FLRT3: variants seen among roughly 807,000 people sequenced by gnomAD.
FLRT3 encodes fibronectin leucine rich transmembrane protein 3, also known as leucine-rich repeat transmembrane protein FLRT3.
In FLRT3, 17 loss-of-function variants were observed where a neutral mutation model predicts 42.6. The observed-to-expected ratio is 0.40, with a 90% confidence interval of 0.27 to 0.60. FLRT3 has a LOEUF of 0.60. Among genes scored for constraint, FLRT3 ranks in the 20% least tolerant of loss-of-function variants. The pLI is 0.44. For synonymous variants in FLRT3, 279 were observed against 286.4 expected, an observed-to-expected ratio of 0.97 and a Z score of 0.26; for missense variants, 635 against 789.2, an observed-to-expected ratio of 0.80 and a Z score of 2.34.
chr20:14,334,559 G>A (rs958915001), intron 1 of FLRT3, among the ~76,000 whole-genome samples: 4 of 151,550 alleles, frequency 2.6e-5, no homozygotes, highest in South Asian at 2.1e-4. Flanking sequence ...TTCTGAAGCC[G>A]CAAGTCAGAT....
In FLRT3 at chr20:14,323,694, A is replaced by G. The variant is rs2082690529; in HGVS notation, c.*1863T>C. The stretch of plus-strand genomic sequence containing the variant: ...TGAACTCATTAGCATATGAAAATAT[A>G]TCACTTTGAAGATTGCAAGGATTTT... On this transcript the variant is annotated 3_prime_UTR_variant, in exon 3 of 3. Coordinates refer to ENST00000341420, the MANE Select transcript of FLRT3 (RefSeq NM_198391.3). 2 of 152,204 alleles carry G rather than the reference A, an allele frequency of 1.3e-5. No homozygotes were observed. The highest frequency in any genetic ancestry group is 1.3e-4 in the Admixed American group (2 of 15,266). The allele number at this position is 152,204 out of a possible 1,614,324, so 9.4% of individuals were successfully genotyped here. A position where few individuals can be genotyped will look rare whatever the true frequency, so the allele number is the denominator to read the frequency against.
rs1192465864 is a variant in FLRT3, at chr20:14,326,545, T to A, written c.962A>T (p.Gln321Leu). The A allele has an allele frequency of 6.2e-7, 1 of 1,613,912 alleles. No homozygotes were observed. Among genetic ancestry groups the A allele is most frequent in the East Asian group, 2.2e-5 (1 of 44,868 alleles). Reference sequence around the variant, plus strand: ...CACGTTGACCTTCACAGGTAGTGATTGTAACCAGTCACGTACCCATTTCAT... The same window carrying A: ...CACGTTGACCTTCACAGGTAGTGATAGTAACCAGTCACGTACCCATTTCAT... ...CKMKWVRDWL[Q>L]SLPVKVNVRG... Residue 321 changes from glutamine (Q) to leucine (L), a missense_variant, in exon 3 of 3, where the codon CAA becomes CTA. Gln to Leu is a moderately radical substitution (Grantham distance 113). Coordinates refer to ENST00000341420, the MANE Select transcript of FLRT3 (RefSeq NM_198391.3). This position sits in a 1 kb window ranked among gnomAD's most constrained non-coding sequence, Gnocchi z 5.5.
chr20:14,327,205 T>C lies in FLRT3; in HGVS notation c.302A>G (p.Asn101Ser), dbSNP rs374161251. 5 of 1,613,674 alleles carry C rather than the reference T, an allele frequency of 3.1e-6. No homozygotes were observed. Among genetic ancestry groups the C allele is most frequent in the Non-Finnish European group, 3.4e-6 (4 of 1,179,726 alleles). The change falls in exon 3 of 3, where the codon AAC becomes AGC. Residue 101 changes from asparagine to serine, a missense_variant. Physicochemically the swap from Asn to Ser is conservative, Grantham distance 46. Coordinates refer to ENST00000341420, the MANE Select transcript of FLRT3 (RefSeq NM_198391.3). ...YHNSLDEFPT[N>S]LPKYVKELHL... ...TAACTCTTTTACATACTTTGGGAGGTTGGTAGGAAATTCATCTAAACTGTT... is the reference window on the plus strand; with the variant it reads ...TAACTCTTTTACATACTTTGGGAGGCTGGTAGGAAATTCATCTAAACTGTT...
At chr20:14,328,114 C>T (rs551266439) in intron 2 of FLRT3, among the ~76,000 whole-genome samples, 2 of 152,204 alleles carry the variant, frequency 1.3e-5, no homozygotes, top group South Asian at 4.1e-4. Context: ...GATCCTCAAT[C>T]TCAAACCCAT....
At position 14,325,410 on chromosome 20, in the gene FLRT3, TTAAATA is replaced by T; in HGVS notation, c.*141_*146del. ...ATTTGAAACTTTTAATAAAAAGTTC[TTAAATA>T]TAAATTATATGGCAAATGTACAGTA... On this transcript the variant is annotated 3_prime_UTR_variant, in exon 3 of 3. Transcript: ENST00000341420. The T allele has an allele frequency of 1.3e-6, 1 of 776,762 alleles. No individual in the cohort carries two copies. Among genetic ancestry groups the T allele is most frequent in the Non-Finnish European group, 1.9e-6 (1 of 528,038 alleles). The allele number at this position is 776,762 out of a possible 1,614,324, so 48.1% of individuals were successfully genotyped here.
At chr20:14,336,219 CAT>C (rs1449982335) in intron 1 of FLRT3, among the ~76,000 whole-genome samples, 6 of 151,626 alleles carry the variant, frequency 4.0e-5, no homozygotes, top group African/African-American at 1.2e-4. Context: ...AATAAAATAA[CAT>C]AGATGAGCAT....
Position 14,337,447 on chromosome 20 carries a change from G to C in FLRT3, c.-290C>G, listed in dbSNP as rs911358224. 2.6e-4 allele frequency: 101 copies of C among 388,664 alleles called. No homozygotes were observed. Among genetic ancestry groups the C allele is most frequent in the Non-Finnish European group, 4.3e-4 (95 of 220,258 alleles). 24.1% of individuals were successfully genotyped at this position (388,664 alleles called of 1,614,324 possible). A position where few individuals can be genotyped will look rare whatever the true frequency, so the allele number is the denominator to read the frequency against. ...CAATCCTATATACACTGCCGCTATA[G>C]CTGTAATTCCATTGACAGTGAATTG... On this transcript the variant is annotated 5_prime_UTR_variant, in exon 1 of 3. Transcript: ENST00000341420.
intron 1 of FLRT3, 38 bp downstream of exon 1, chr20:14,337,366 C>G: frequency 7.1e-6 from 2 of 281,772 alleles, no homozygotes; most frequent in Non-Finnish European, 6.5e-6. Flanking sequence ...AGCAAACTTT[C>G]TGGGACAATC....
chr20:14,323,264 T>C lies in FLRT3; in HGVS notation c.*2293A>G, dbSNP rs370096784. The stretch of plus-strand genomic sequence containing the variant: ...GGTTTCCCAGGATCCCCTTTTTGTG[T>C]TCTATTAATTTGCTACAACAGCTCA... On this transcript the variant is annotated 3_prime_UTR_variant, in exon 3 of 3. Coordinates refer to ENST00000341420, the MANE Select transcript of FLRT3 (RefSeq NM_198391.3). 16 of 152,282 alleles carry C rather than the reference T, an allele frequency of 1.1e-4. No individual in the cohort carries two copies. The highest frequency in any genetic ancestry group is 3.8e-4 in the African/African-American group (16 of 41,578). The allele number at this position is 152,282 out of a possible 1,614,324, so 9.4% of individuals were successfully genotyped here.
intron 1 of FLRT3, among the ~76,000 whole-genome samples, chr20:14,336,422 C>T (rs1484950902): frequency 6.6e-6 from 1 of 152,044 alleles, no homozygotes; most frequent in African/African-American, 2.4e-5. Context: ...GCACTCTTTA[C>T]CTATATGCAA....
intron 1 of FLRT3, among the ~76,000 whole-genome samples, chr20:14,334,570 G>A (rs537239863): frequency 1.3e-5 from 2 of 149,814 alleles, no homozygotes; most frequent in South Asian, 4.2e-4. Flanking sequence ...CAAGTCAGAT[G>A]TTGGCTGCTG....
chr20:14,336,386 G>C (rs2082937255), intron 1 of FLRT3, among the ~76,000 whole-genome samples: 1 of 151,898 alleles, frequency 6.6e-6, no homozygotes, highest in African/African-American at 2.4e-5. Context: ...CCCCCCAGAT[G>C]TTGAGAAGAC....
chr20:14,335,364 A>G (rs1601499852), intron 1 of FLRT3, among the ~76,000 whole-genome samples: 1 of 152,232 alleles, frequency 6.6e-6, no homozygotes, highest in African/African-American at 2.4e-5. Flanking sequence ...ACAAAGTCTG[A>G]CAGCCACAAG....
In FLRT3 at chr20:14,324,429, C is replaced by T. The variant is rs2082702841; in HGVS notation, c.*1128G>A. On this transcript the variant is annotated 3_prime_UTR_variant, in exon 3 of 3. Coordinates refer to ENST00000341420, the MANE Select transcript of FLRT3 (RefSeq NM_198391.3). ...TCTGGAAAATTGTGACAGTAATGGG[C>T]AGTATTCTTGATCTTTGTAAAAGTA... 6.6e-6 allele frequency: 1 copy of T among 152,430 alleles called. No individual in the cohort carries two copies. The highest frequency in any genetic ancestry group is 1.5e-5 in the Non-Finnish European group (1 of 68,006). 9.4% of individuals were successfully genotyped at this position (152,430 alleles called of 1,614,324 possible). A position where few individuals can be genotyped will look rare whatever the true frequency, so the allele number is the denominator to read the frequency against.
At chr20:14,328,355 A>T (rs2082772535) in intron 2 of FLRT3, among the ~76,000 whole-genome samples, 1 of 152,066 alleles carries the variant, frequency 6.6e-6, no homozygotes, top group East Asian at 1.9e-4. Context: ...GCAGGTTTTA[A>T]TGACTTTGTC....
chr20:14,327,521 A>G lies in FLRT3; in HGVS notation c.-15T>C, dbSNP rs1472370232. ...GCGCTGATCATGGTCAGCAGTGTTG[A>G]GGTCTTTATACAAGGTAGCTTCCGT... is the stretch of plus-strand genomic sequence containing the variant. On this transcript the variant is annotated 5_prime_UTR_variant, in exon 3 of 3. Coordinates refer to ENST00000341420, the MANE Select transcript of FLRT3 (RefSeq NM_198391.3). 6.3e-7 allele frequency: 1 copy of G among 1,597,578 alleles called. No homozygotes were observed. The highest frequency in any genetic ancestry group is 1.1e-5 in the South Asian group (1 of 88,488).
chr20:14,336,091 C>T (rs924523962), intron 1 of FLRT3, among the ~76,000 whole-genome samples: 8 of 151,962 alleles, frequency 5.3e-5, no homozygotes, highest in African/African-American at 1.5e-4. Flanking sequence ...TGAATATAAG[C>T]AAATTTATTC....
At chr20:14,336,460 A>G (rs2082938846) in intron 1 of FLRT3, among the ~76,000 whole-genome samples, 1 of 152,174 alleles carries the variant, frequency 6.6e-6, no homozygotes, top group African/African-American at 2.4e-5. Context: ...TAATTCAGTG[A>G]ACAAAATTTT....
In FLRT3 at chr20:14,327,496, G is replaced by C. The variant is rs777799315; in HGVS notation, c.11C>G (p.Ala4Gly). MIS[A>G]AWSIFLIGTK... ...CCCGATGAGGAAGATGCTCCAGGCT[G>C]CGCTGATCATGGTCAGCAGTGTTGA... The change falls in exon 3 of 3, where the codon GCA becomes GGA. Residue 4 changes from alanine to glycine, a missense_variant. Ala to Gly is a moderately conservative substitution (Grantham distance 60). Transcript: ENST00000341420. 1 of 1,611,826 alleles carries C rather than the reference G, an allele frequency of 6.2e-7. No homozygotes were observed. Among genetic ancestry groups the C allele is most frequent in the Non-Finnish European group, 8.5e-7 (1 of 1,178,700 alleles).
Sources: gnomAD v4.1 joint callset for allele counts (sites outside exome capture counted in the v4.1 genomes callset) on GRCh38, gnomAD v4.1.1 for gene constraint, Gnocchi (gnomAD v3.1) non-coding constraint, MANE v1.5 for transcripts, NCBI Gene and HGNC (gene_info 2026-07-23, HGNC 2026-07-21) for gene names.